Variants in SAMD4B observed in about 807,000 individuals in gnomAD.
SAMD4B encodes the protein sterile alpha motif domain containing 4B, also known as protein Smaug homolog 2.
Under a neutral mutation model 74.5 loss-of-function variants are expected in SAMD4B, and 5 were observed. That is an observed-to-expected ratio of 0.07 (90% confidence interval 0.04 to 0.14). The LOEUF (loss-of-function observed/expected upper bound fraction) is 0.14, where lower values mean the gene tolerates loss of function less well. Among genes scored for constraint, SAMD4B ranks in the 10% least tolerant of loss-of-function variants. SAMD4B has a pLI of 1.00. For synonymous variants in SAMD4B, 373 were observed against 374.9 expected, an observed-to-expected ratio of 1.00 and a Z score of 0.06; for missense variants, 608 against 921.8, an observed-to-expected ratio of 0.66 and a Z score of 4.41.
chr19:39,372,847 A>T (rs1303578456), intron 4 of SAMD4B, among the ~76,000 whole-genome samples: 1 of 152,112 alleles, frequency 6.6e-6, no homozygotes, highest in East Asian at 1.9e-4. Flanking sequence ...CAGGGCCCAG[A>T]GTGTGCCATG....
rs759759274 is a variant in SAMD4B, at chr19:39,369,958, A to T, written c.500A>T (p.His167Leu). 1 of 1,613,822 alleles carries T rather than the reference A, an allele frequency of 6.2e-7. No individual in the cohort carries two copies. The stretch of plus-strand genomic sequence containing the variant: ...CGCTCCCGGCCAGAGCCCTCCTACC[A>T]TTCACGTCAAGGCTCAGATGAGTGG... ...GFRSRPEPSY[H>L]SRQGSDEWGG... Residue 167 changes from histidine to leucine, a missense_variant, in exon 4 of 14, where the codon CAT (histidine) becomes CTT (leucine). Physicochemically the swap from His to Leu is moderately conservative, Grantham distance 99. Transcript: ENST00000610417.
At chr19:39,359,401 C>T (rs563867636) in intron 3 of SAMD4B, among the ~76,000 whole-genome samples, 15 of 152,304 alleles carry the variant, frequency 9.8e-5, no homozygotes, top group African/African-American at 3.1e-4. Context: ...CCAGACTTCA[C>T]GTTCTCATTT....
chr19:39,389,716 A>G (rs778687735), downstream of SAMD4B: 14 of 1,613,980 alleles, frequency 8.7e-6, no homozygotes, highest in Middle Eastern at 1.6e-4. The surrounding 1 kb of genome is among the most constrained non-coding windows in gnomAD (Gnocchi z 5.3). Context: ...TCAGGAGGTC[A>G]TGTTTGTGCT....
Position 39,377,349 on chromosome 19 carries a change from TA to T in SAMD4B, c.1105-135del, listed in dbSNP as rs930200492. ...TATGTTTGTGGGCTTGCAGTACCCT[TA>T]CATGCCTTCTCTATGTGCTGGAACC... On this transcript the variant is annotated intron_variant, in intron 7 of 13. Transcript: ENST00000610417. The T allele has an allele frequency of 5.8e-5, 38 of 653,632 alleles. No homozygotes were observed. The African/African-American group carries it at 6.7e-4, about 12-fold the overall frequency. 40.5% of individuals were successfully genotyped at this position (653,632 alleles called of 1,614,324 possible).
chr19:39,365,167 A>G (rs1298885442), intron 3 of SAMD4B, among the ~76,000 whole-genome samples: 1 of 150,056 alleles, frequency 6.7e-6, no homozygotes, highest in Non-Finnish European at 1.5e-5. Context: ...AATGGTGTGA[A>G]CCCAGGAGGC....
intron 3 of SAMD4B, among the ~76,000 whole-genome samples, chr19:39,360,375 A>G (rs2076580822): frequency 6.6e-6 from 1 of 152,126 alleles, no homozygotes; most frequent in South Asian, 2.1e-4. Flanking sequence ...GAATATATGA[A>G]TCAAGGTTTT....
chr19:39,357,370 A>T (rs1324114989), intron 3 of SAMD4B, among the ~76,000 whole-genome samples: 1 of 152,192 alleles, frequency 6.6e-6, no homozygotes, highest in African/African-American at 2.4e-5. Flanking sequence ...TGGGCTGCTG[A>T]AAGGAACAGA....
chr19:39,377,956 G>A, intron 8 of SAMD4B, 132 bp downstream of exon 8: 2 of 888,438 alleles, frequency 2.3e-6, no homozygotes, highest in Admixed American at 2.9e-5. Flanking sequence ...GAACACTACA[G>A]AGAGTAGCCA....
At position 39,381,058 on chromosome 19, in the gene SAMD4B, C is replaced by T. The variant is rs771219426; in HGVS notation, c.1917C>T (p.Arg639=). 30 of 1,612,934 alleles carry T rather than the reference C, an allele frequency of 1.9e-5. No homozygotes were observed. In the South Asian group the frequency reaches 3.0e-4, roughly 16 times the overall value. Residue 639 remains arginine (R), a synonymous_variant, in exon 12 of 14, where the codon CGC becomes CGT. Coordinates refer to ENST00000610417, the MANE Select transcript of SAMD4B (RefSeq NM_001384574.2). ...GTCAGAGCCGCAGCTCTGTGCAGCGCACCCACTCGCTCCCGGTCCACTCGT... is the reference window on the plus strand; with the variant it reads ...GTCAGAGCCGCAGCTCTGTGCAGCGTACCCACTCGCTCCCGGTCCACTCGT... ...MPSQSRSSVQ[R]THSLPVHSSP...
rs752281175 is a variant in SAMD4B at position 39,375,624 on chromosome 19, T to C, written c.668-26T>C. On this transcript the variant is annotated intron_variant, in intron 4 of 13. Coordinates refer to ENST00000610417, the MANE Select transcript of SAMD4B (RefSeq NM_001384574.2). The surrounding 1 kb of genome is among the most constrained non-coding windows in gnomAD (Gnocchi z 4.1). ...TGTGGTTGGGTCCCCAGGTCTAATATTTTGCTTTTCTCCCACTCTGGCCAG... is the reference window on the plus strand; with the variant it reads ...TGTGGTTGGGTCCCCAGGTCTAATACTTTGCTTTTCTCCCACTCTGGCCAG... 5 of 1,590,326 alleles carry C rather than the reference T, an allele frequency of 3.1e-6. No homozygotes were observed. Among genetic ancestry groups the C allele is most frequent in the African/African-American group, 2.7e-5 (2 of 74,352 alleles).
In SAMD4B at chr19:39,378,616, A is replaced by T. The variant is rs777727542; in HGVS notation, c.1530+27A>T. 1.6e-5 allele frequency: 26 copies of T among 1,601,542 alleles called. No homozygotes were observed. In the East Asian group the frequency reaches 5.4e-4, roughly 33 times the overall value. On this transcript the variant is annotated intron_variant, in intron 9 of 13. Transcript: ENST00000610417. The surrounding 1 kb of genome is among the most constrained non-coding windows in gnomAD (Gnocchi z 4.4). ...TAAGGCCTTCCCTAGCATACTCAAA[A>T]AGGGAAAGGCGGCCAGGCGTGGTGG...
chr19:39,389,603 C>G, downstream of SAMD4B: 2 of 1,614,184 alleles, frequency 1.2e-6, no homozygotes, highest in Non-Finnish European at 1.7e-6. This position sits in a 1 kb window ranked among gnomAD's most constrained non-coding sequence, Gnocchi z 5.3. Context: ...TGAGCCTTTG[C>G]TGACCTAGAG....
intron 4 of SAMD4B, among the ~76,000 whole-genome samples, chr19:39,373,919 G>T (rs2077448706): frequency 6.6e-6 from 1 of 151,702 alleles, no homozygotes; most frequent in Non-Finnish European, 1.5e-5. Flanking sequence ...AGCCGAGATT[G>T]TGCCACTGCA....
In SAMD4B at chr19:39,385,681, A is replaced by T; in HGVS notation, c.*2154A>T. ...TCTGGGCTTATTTTGGAAAAAAAAA[A>T]AACAAACAAAAAAAACGAATTCTGA... On this transcript the variant is annotated 3_prime_UTR_variant, in exon 14 of 14. Transcript: ENST00000610417. 1 of 537,268 alleles carries T rather than the reference A, an allele frequency of 1.9e-6. No homozygotes were observed. The allele number at this position is 537,268 out of a possible 1,614,324, so 33.3% of individuals were successfully genotyped here.
downstream of SAMD4B, chr19:39,385,865 ACTTTAT>A (rs2078234778): frequency 7.2e-7 from 1 of 1,397,248 alleles, no homozygotes; most frequent in Non-Finnish European, 9.6e-7. Flanking sequence ...AGAGAAGTTG[ACTTTAT>A]TAACAGCAAA....
chr19:39,346,353 G>A (rs1481174661), intron 1 of SAMD4B, among the ~76,000 whole-genome samples: 3 of 152,146 alleles, frequency 2.0e-5, no homozygotes, highest in Non-Finnish European at 4.4e-5. Flanking sequence ...TAAGCAATGG[G>A]TCAAAGACAA....
chr19:39,383,075 C>T lies in SAMD4B; in HGVS notation c.1973-133C>T. The T allele has an allele frequency of 2.7e-6, 2 of 743,484 alleles. No individual in the cohort carries two copies. The highest frequency in any genetic ancestry group is 4.9e-6 in the Non-Finnish European group (2 of 409,050). 46.1% of individuals were successfully genotyped at this position (743,484 alleles called of 1,614,324 possible). A position where few individuals can be genotyped will look rare whatever the true frequency, so the allele number is the denominator to read the frequency against. On this transcript the variant is annotated intron_variant, in intron 12 of 13. Coordinates refer to ENST00000610417, the MANE Select transcript of SAMD4B (RefSeq NM_001384574.2). This position sits in a 1 kb window ranked among gnomAD's most constrained non-coding sequence, Gnocchi z 4.1. ...ACACGCTCGCCTCTCTCCCTGTCCA[C>T]CTCCTCCCGTTCTTCCCTCTCCCCC...
At position 39,356,924 on chromosome 19, in the gene SAMD4B, G is replaced by A. The variant is rs778841790; in HGVS notation, c.31G>A (p.Ala11Thr). The A allele has an allele frequency of 9.9e-6, 16 of 1,612,802 alleles. No individual in the cohort carries two copies. In the South Asian group the frequency reaches 1.1e-4, roughly 11 times the overall value. MMFRDQVGIL[A>T]GWFKGWNECE... is the part of the protein sequence containing the mutation. The stretch of plus-strand genomic sequence containing the variant: ...GTTCCGAGACCAGGTGGGCATCCTC[G>A]CTGGCTGGTTCAAAGGCTGGAATGA... The change falls in exon 3 of 14, where the codon GCT becomes ACT. Residue 11 changes from alanine to threonine, a missense_variant. Ala to Thr is a moderately conservative substitution (Grantham distance 58, BLOSUM62 0). This residue lies in a region of SAMD4B where 74 missense variants were observed against 182.0 expected (regional missense o/e 0.41). Coordinates refer to ENST00000610417, the MANE Select transcript of SAMD4B (RefSeq NM_001384574.2).
In SAMD4B at chr19:39,357,019, G is replaced by A; in HGVS notation, c.126G>A (p.Gln42=). The A allele has an allele frequency of 1.2e-6, 2 of 1,614,124 alleles. No individual in the cohort carries two copies. The highest frequency in any genetic ancestry group is 1.7e-6 in the Non-Finnish European group (2 of 1,180,002). ...CCCGTACCCAGGCCCGCTTCCTGCA[G>A]CTCTGCCTGGAGCACTCACTGGCGG... ...RVTRTQARFL[Q]LCLEHSLADC... Residue 42 remains glutamine, a synonymous_variant, in exon 3 of 14, where the codon CAG becomes CAA. Coordinates refer to ENST00000610417, the MANE Select transcript of SAMD4B (RefSeq NM_001384574.2).
Sources: gnomAD v4.1 joint callset for allele counts (sites outside exome capture counted in the v4.1 genomes callset) on GRCh38, gnomAD v4.1.1 for gene constraint, gnomAD v4.1.1 regional missense constraint, Gnocchi (gnomAD v3.1) non-coding constraint, MANE v1.5 for transcripts, NCBI Gene and HGNC (gene_info 2026-07-23, HGNC 2026-07-21) for gene names.